Variants in PRMT8 observed in about 807,000 individuals in gnomAD.
PRMT8 encodes protein arginine N-methyltransferase 8.
Under a neutral mutation model 47.1 loss-of-function variants are expected in PRMT8, and 7 were observed. That is an observed-to-expected ratio of 0.15 (90% confidence interval 0.08 to 0.28). The LOEUF is 0.28. Among genes scored for constraint, PRMT8 ranks in the 10% least tolerant of loss-of-function variants. The pLI, the probability that PRMT8 is intolerant of heterozygous loss-of-function variation, is 1.00. For missense variants in PRMT8, 237 were observed against 505.4 expected (o/e 0.47, Z 5.09); for synonymous variants, 188 against 186.5 (o/e 1.01, Z -0.07).
intron 1 of PRMT8, among the ~76,000 whole-genome samples, chr12:3,397,930 C>A (rs529079877): frequency 6.6e-6 from 1 of 152,166 alleles, no homozygotes; most frequent in African/African-American, 2.4e-5. Flanking sequence ...GTTTTTTAAG[C>A]CCGTCGGAAA....
intron 1 of PRMT8, among the ~76,000 whole-genome samples, chr12:3,459,001 C>T (rs1378867984): frequency 1.3e-5 from 2 of 152,212 alleles, no homozygotes; most frequent in African/African-American, 2.4e-5. Context: ...ATTCTCTTCT[C>T]TGAAACTGTG....
chr12:3,435,149 A>G (rs1039112282), intron 1 of PRMT8, among the ~76,000 whole-genome samples: 1 of 151,790 alleles, frequency 6.6e-6, no homozygotes, highest in South Asian at 2.1e-4. Flanking sequence ...TTGTATTTTT[A>G]GTAGAGATGG....
chr12:3,490,682 A>AGAGAGAGC (rs1467186480), upstream of PRMT8, among the ~76,000 whole-genome samples: 14 of 28,602 alleles, frequency 4.9e-4, no homozygotes, highest in African/African-American at 2.1e-3. Flanking sequence ...ACAAAGAGAG[A>AGAGAGAGC]GAGAGAGAGA....
At chr12:3,513,220 C>A (rs1246121154) in intron 1 of PRMT8, among the ~76,000 whole-genome samples, 2 of 152,134 alleles carry the variant, frequency 1.3e-5, no homozygotes, top group Admixed American at 6.5e-5. Context: ...AAACATTGTT[C>A]AATCCCCCAT....
intron 1 of PRMT8, among the ~76,000 whole-genome samples, chr12:3,384,553 G>A (rs1019048291): frequency 6.6e-6 from 1 of 152,132 alleles, no homozygotes; most frequent in African/African-American, 2.4e-5. Context: ...CAGGGCTCTG[G>A]GTGTTCTCTG....
chr12:3,436,812 G>C lies in PRMT8; in HGVS notation c.48+55370G>C, dbSNP rs976124625. On this transcript the variant is annotated intron_variant, in intron 1 of 9. Transcript: ENST00000452611. The surrounding 1 kb of genome is among the most constrained non-coding windows in gnomAD (Gnocchi z 4.2). Reference sequence around the variant, plus strand: ...GGGAGAAGCGGATCCAGCAGGCAAGGCTGCGATTTCTCTCTACTGATGCTG... The same window carrying C: ...GGGAGAAGCGGATCCAGCAGGCAAGCCTGCGATTTCTCTCTACTGATGCTG... 3.9e-5 allele frequency among the ~76,000 whole-genome samples: 6 copies of C among 152,220 alleles called. No individual in the cohort carries two copies. The highest frequency in any genetic ancestry group is 7.3e-5 in the Non-Finnish European group (5 of 68,038).
chr12:3,485,342 G>A (rs1865313250), intron 1 of PRMT8, among the ~76,000 whole-genome samples: 1 of 152,154 alleles, frequency 6.6e-6, no homozygotes, highest in Non-Finnish European at 1.5e-5. Flanking sequence ...GCGATGTTGG[G>A]TAGGAAAGGG....
At chr12:3,434,630 A>G (rs1864717566) in intron 1 of PRMT8, among the ~76,000 whole-genome samples, 1 of 152,088 alleles carries the variant, frequency 6.6e-6, no homozygotes, top group Non-Finnish European at 1.5e-5. Flanking sequence ...CCCCCAGAAA[A>G]TGGAGCTGAT....
chr12:3,523,971 C>T (rs547673801), intron 1 of PRMT8, among the ~76,000 whole-genome samples: 8 of 152,320 alleles, frequency 5.3e-5, no homozygotes, highest in Admixed American at 1.3e-4. Context: ...GGCGACTACT[C>T]GGCTCTTCAT....
chr12:3,577,225 G>A (rs1866962294), intron 7 of PRMT8, among the ~76,000 whole-genome samples: 1 of 152,248 alleles, frequency 6.6e-6, no homozygotes, highest in South Asian at 2.1e-4. Flanking sequence ...AGGGGCCCTG[G>A]TGGCGTGCAG....
chr12:3,591,365 A>G (rs1867298337), intron 8 of PRMT8, among the ~76,000 whole-genome samples: 1 of 149,180 alleles, frequency 6.7e-6, no homozygotes, highest in African/African-American at 2.5e-5. Context: ...CCAAGGTGCT[A>G]GGTTTAGTTC....
intron 1 of PRMT8, among the ~76,000 whole-genome samples, chr12:3,435,500 TG>T (rs1338629386): frequency 2.1e-5 from 3 of 141,150 alleles, no homozygotes; most frequent in African/African-American, 5.9e-5. Flanking sequence ...GACAACGTCA[TG>T]TTTTTTTTTT....
At chr12:3,579,626 C>T (rs1022028788) in intron 7 of PRMT8, among the ~76,000 whole-genome samples, 3 of 152,146 alleles carry the variant, frequency 2.0e-5, no homozygotes, top group East Asian at 3.9e-4. Flanking sequence ...CCAGGAGAGC[C>T]CTTCCGCCAG....
At chr12:3,488,714 T>C (rs115798259), upstream of PRMT8, among the ~76,000 whole-genome samples, 1,240 of 152,350 alleles carry the variant, frequency 8.1e-3, 14 homozygotes, top group African/African-American at 0.028. Flanking sequence ...TGAAAGACTA[T>C]GCTAATATAT....
Position 3,593,624 on chromosome 12 carries a change from G to A in PRMT8, c.*442G>A, listed in dbSNP as rs950105699. ...TGTGTGTGCGGTGGTGTGCGTGTGCGTGCATGTGTGAATGTGAGCAGCATA... is the reference window on the plus strand; with the variant it reads ...TGTGTGTGCGGTGGTGTGCGTGTGCATGCATGTGTGAATGTGAGCAGCATA... On this transcript the variant is annotated 3_prime_UTR_variant, in exon 10 of 10. Coordinates refer to ENST00000382622, the MANE Select transcript of PRMT8 (RefSeq NM_019854.5). This position sits in a 1 kb window ranked among gnomAD's most constrained non-coding sequence, Gnocchi z 4.8. 2.4e-5 allele frequency: 5 copies of A among 209,618 alleles called. No homozygotes were observed. Among genetic ancestry groups the A allele is most frequent in the South Asian group, 1.6e-4 (2 of 12,192 alleles). The allele number at this position is 209,618 out of a possible 1,614,324, so 13.0% of individuals were successfully genotyped here.
chr12:3,434,216 T>C (rs1052124108), intron 1 of PRMT8, among the ~76,000 whole-genome samples: 3 of 151,994 alleles, frequency 2.0e-5, no homozygotes, highest in African/African-American at 7.3e-5. Context: ...AAATCCGGGG[T>C]AAGGTAGCCC....
chr12:3,576,830 G>A lies in PRMT8; in HGVS notation c.713-41G>A. ...TCAGGAGGGTTGGGTGAGCTTCTGG[G>A]GGTCCTGCGCCTGCCTTCACGTCTT... On this transcript the variant is annotated intron_variant, in intron 6 of 9. Coordinates refer to ENST00000382622, the MANE Select transcript of PRMT8 (RefSeq NM_019854.5). This position sits in a 1 kb window ranked among gnomAD's most constrained non-coding sequence, Gnocchi z 4.0. The A allele has an allele frequency of 1.3e-6, 2 of 1,541,902 alleles. No individual in the cohort carries two copies. Among genetic ancestry groups the A allele is most frequent in the Non-Finnish European group, 1.8e-6 (2 of 1,116,476 alleles).
intron 1 of PRMT8, among the ~76,000 whole-genome samples, chr12:3,394,574 G>T (rs1227538380): frequency 2.0e-5 from 3 of 152,134 alleles, no homozygotes; most frequent in Non-Finnish European, 4.4e-5. Context: ...CTTGATCATG[G>T]TGGATAAGCT....
intron 1 of PRMT8, among the ~76,000 whole-genome samples, chr12:3,383,830 G>C (rs1328953380): frequency 1.3e-5 from 2 of 152,186 alleles, no homozygotes; most frequent in African/African-American, 4.8e-5. Context: ...TTTCTGTTTT[G>C]AGTGATTGTA....
Sources: allele counts gnomAD v4.1 joint callset (sites outside exome capture counted in the v4.1 genomes callset), GRCh38; gene constraint gnomAD v4.1.1; non-coding constraint Gnocchi (gnomAD v3.1); transcripts MANE v1.5; gene names NCBI Gene and HGNC (gene_info 2026-07-23, HGNC 2026-07-21).